EYA3: variants seen among roughly 807,000 people sequenced by gnomAD.
EYA3 encodes the protein protein phosphatase EYA3.
Under a neutral mutation model 80.0 loss-of-function variants are expected in EYA3, and 39 were observed. The ratio of observed to expected loss-of-function variants is 0.49; its 90% CI spans 0.38 to 0.64. The LOEUF is 0.64. Ranked by LOEUF, EYA3 falls within the 30% of genes least tolerant of loss-of-function variation. EYA3 has a pLI of 0.00. For missense variants in EYA3, 523 were observed against 676.1 expected (o/e 0.77, Z 2.51); for synonymous variants, 206 against 232.8 (o/e 0.88, Z 1.05).
chr1:27,992,548 AC>A (rs1470133883), intron 14 of EYA3, among the ~76,000 whole-genome samples: 1 of 151,936 alleles, frequency 6.6e-6, no homozygotes, highest in Non-Finnish European at 1.5e-5. Flanking sequence ...GGAATTGGGG[AC>A]CCCTGCTCTA....
At chr1:28,022,638 A>G (rs960750831) in intron 7 of EYA3, among the ~76,000 whole-genome samples, 2 of 152,292 alleles carry the variant, frequency 1.3e-5, no homozygotes, top group African/African-American at 2.4e-5. Flanking sequence ...ATACCTACAT[A>G]TATTTGTTTG....
intron 5 of EYA3, 115 bp from the exon 6 acceptor site, chr1:28,035,795 C>T (rs1442611688): frequency 3.7e-5 from 37 of 1,011,680 alleles, no homozygotes; most frequent in Non-Finnish European, 3.8e-5. Context: ...GACTAATCTT[C>T]CACATAAAAT....
At chr1:28,010,256 G>A (rs2148786252) in intron 10 of EYA3, among the ~76,000 whole-genome samples, 1 of 152,268 alleles carries the variant, frequency 6.6e-6, no homozygotes, top group South Asian at 2.1e-4. Context: ...TAATGATGAA[G>A]TCAAATGTAT....
At chr1:28,050,187 A>ATTTTTTTTTTTTTT (rs1557617106) in intron 2 of EYA3, among the ~76,000 whole-genome samples, 1 of 127,938 alleles carries the variant, frequency 7.8e-6, no homozygotes. Flanking sequence ...TATTATTATT[A>ATTTTTTTTTTTTTT]TTATTATTAT....
intron 6 of EYA3, 88 bp downstream of exon 6, chr1:28,035,456 G>A (rs954722515): frequency 4.2e-6 from 6 of 1,430,076 alleles, no homozygotes; most frequent in South Asian, 1.3e-5. Flanking sequence ...GTAACTAAGT[G>A]CTTTGTAAAG....
At chr1:28,075,970 C>G (rs1040780035) in intron 1 of EYA3, among the ~76,000 whole-genome samples, 1 of 151,968 alleles carries the variant, frequency 6.6e-6, no homozygotes, top group African/African-American at 2.4e-5. Flanking sequence ...CAGAGCCCTG[C>G]TAAAGCAGAC....
chr1:28,000,149 G>A (rs1035029628), intron 11 of EYA3, 100 bp from the exon 12 acceptor site: 14 of 687,550 alleles, frequency 2.0e-5, no homozygotes, highest in Non-Finnish European at 3.2e-5. Context: ...CAAAACACAC[G>A]AGCTCCCAAC....
At chr1:27,984,115 C>A (rs1639491287) in intron 16 of EYA3, among the ~76,000 whole-genome samples, 1 of 152,194 alleles carries the variant, frequency 6.6e-6, no homozygotes, top group African/African-American at 2.4e-5. Context: ...CTCACTGCAG[C>A]CTCCTTGAAC....
intron 16 of EYA3, among the ~76,000 whole-genome samples, chr1:27,987,709 C>T (rs376164684): frequency 7.9e-5 from 12 of 152,126 alleles, no homozygotes; most frequent in Non-Finnish European, 1.3e-4. Flanking sequence ...TATTTAGAGA[C>T]GGAGTCTCGC....
At chr1:28,086,610 T>C (rs1181459013) in intron 1 of EYA3, among the ~76,000 whole-genome samples, 4 of 152,348 alleles carry the variant, frequency 2.6e-5, no homozygotes, top group Non-Finnish European at 5.9e-5. Context: ...TTTCCCATCA[T>C]TTTTGGGGTT....
chr1:28,062,657 G>GGTGTGTGTGT (rs71027260), intron 1 of EYA3, among the ~76,000 whole-genome samples: 3,952 of 141,580 alleles, frequency 0.028, 73 homozygotes, highest in East Asian at 0.05. Flanking sequence ...AATATATGTA[G>GGTGTGTGTGT]GTGTGTGTGT....
chr1:27,988,546 G>C lies in EYA3; in HGVS notation c.1529C>G (p.Ala510Gly), dbSNP rs986350419. Residue 510 changes from alanine (A) to glycine (G), a missense_variant, in exon 16 of 18, where the codon GCT becomes GGT. Physicochemically the swap from Ala to Gly is moderately conservative, Grantham distance 60 (BLOSUM62 0). Transcript: ENST00000373871. Reference sequence around the variant, plus strand: ...CATAGAAACCATACCAATTTTGGTAGCACTATAGATGTTCTCAATAGGAAA... The same window carrying C: ...CATAGAAACCATACCAATTTTGGTACCACTATAGATGTTCTCAATAGGAAA... ...EIFPIENIYS[A>G]TKIGKESCFE... 10 of 1,612,772 alleles carry C rather than the reference G, an allele frequency of 6.2e-6. No homozygotes were observed. The highest frequency in any genetic ancestry group is 8.5e-6 in the Non-Finnish European group (10 of 1,179,694).
Position 28,017,236 on chromosome 1 carries a change from G to C in EYA3, c.503C>G (p.Ser168Ter), listed in dbSNP as rs777939793. 6.2e-7 allele frequency: 1 copy of C among 1,612,172 alleles called. No homozygotes were observed. Among genetic ancestry groups the C allele is most frequent in the Non-Finnish European group, 8.5e-7 (1 of 1,178,268 alleles). The change falls in exon 8 of 18, where the codon TCA becomes TGA. Residue 168 changes from serine (S) to a stop codon, truncating the protein, a stop_gained. Transcript: ENST00000373871. LOFTEE classifies it high-confidence loss of function. ...PAHYSYPIQA[S>*]STNASLISTS... is the part of the protein sequence containing the mutation. ...AGATATCAGGCTGGCATTTGTGCTT[G>C]AAGCTAGAGGATTGATGGGGTTAAA...
chr1:27,993,498 G>A lies in EYA3; in HGVS notation c.1205C>T (p.Ser402Phe), dbSNP rs1224145437. The change falls in exon 14 of 18, where the codon TCT (serine) becomes TTT (phenylalanine). Residue 402 changes from serine to phenylalanine, a missense_variant. Physicochemically the swap from Ser to Phe is radical, Grantham distance 155. Transcript: ENST00000373871. ...GSGGSGSHGS[S>F]VGVQGGVDWM... ...GTCCACACCTCCCTGAACACCCACAGATGAACCATGGCTGCCACTACCTCC... is the reference window on the plus strand; with the variant it reads ...GTCCACACCTCCCTGAACACCCACAAATGAACCATGGCTGCCACTACCTCC... 2 of 1,612,894 alleles carry A rather than the reference G, an allele frequency of 1.2e-6. No homozygotes were observed. The highest frequency in any genetic ancestry group is 1.7e-6 in the Non-Finnish European group (2 of 1,179,672).
intron 1 of EYA3, among the ~76,000 whole-genome samples, chr1:28,069,313 T>C (rs944480712): frequency 3.3e-5 from 5 of 151,988 alleles, no homozygotes; most frequent in African/African-American, 1.2e-4. Context: ...CTCACCATGT[T>C]GCCCAGGCTG....
rs1374264375 is a variant in EYA3 at position 27,971,730 on chromosome 1, T to A, written c.*2736A>T. 1 of 152,000 alleles carries A rather than the reference T, an allele frequency of 6.6e-6. No individual in the cohort carries two copies. Among genetic ancestry groups the A allele is most frequent in the Non-Finnish European group, 1.5e-5 (1 of 68,006 alleles). The allele number at this position is 152,000 out of a possible 1,614,324, so 9.4% of individuals were successfully genotyped here. A position where few individuals can be genotyped will look rare whatever the true frequency, so the allele number is the denominator to read the frequency against. On this transcript the variant is annotated 3_prime_UTR_variant, in exon 18 of 18. Coordinates refer to ENST00000373871, the MANE Select transcript of EYA3 (RefSeq NM_001990.4). ...CCCCTTGATGAATGGACCCACAGTG[T>A]CCTTTGGTCCTCAGCTTCTAACAGC... is the stretch of plus-strand genomic sequence containing the variant.
At chr1:28,071,456 A>G (rs1645018545) in intron 1 of EYA3, among the ~76,000 whole-genome samples, 1 of 152,228 alleles carries the variant, frequency 6.6e-6, no homozygotes, top group African/African-American at 2.4e-5. Context: ...CTAAATATTT[A>G]ATTTTTAACT....
At chr1:28,022,370 G>C (rs1215727124) in intron 7 of EYA3, among the ~76,000 whole-genome samples, 1 of 151,502 alleles carries the variant, frequency 6.6e-6, no homozygotes, top group Non-Finnish European at 1.5e-5. Flanking sequence ...GGATGGTCTC[G>C]ATCTCCTGAC....
At chr1:28,057,920 A>T in intron 2 of EYA3, 74 bp downstream of exon 2, 1 of 850,114 alleles carries the variant, frequency 1.2e-6, no homozygotes, top group Non-Finnish European at 1.8e-6. Context: ...GGAATCTATA[A>T]CTGAATAATA....
Sources: gnomAD v4.1 joint callset for allele counts (sites outside exome capture counted in the v4.1 genomes callset) on GRCh38, gnomAD v4.1.1 for gene constraint, MANE v1.5 for transcripts, NCBI Gene and HGNC (gene_info 2026-07-23, HGNC 2026-07-21) for gene names.